Variants in AHCTF1 observed in about 807,000 individuals in gnomAD.
AHCTF1 encodes AT-hook containing transcription factor 1, also known as protein ELYS.
AHCTF1 carries 24 observed loss-of-function variants against 248.4 expected under a neutral mutation model. That is an observed-to-expected ratio of 0.10 (90% CI 0.07 to 0.14). AHCTF1 has a LOEUF of 0.14. Among genes scored for constraint, AHCTF1 ranks in the 10% least tolerant of loss-of-function variants. The pLI is 1.00. For synonymous variants in AHCTF1, 786 were observed against 929.8 expected, an observed-to-expected ratio of 0.85 and a Z score of 2.81; for missense variants, 2,206 against 2,636.2, an observed-to-expected ratio of 0.84 and a Z score of 3.57.
At chr1:246,868,610 G>GT (rs1447941597) in intron 24 of AHCTF1, among the ~76,000 whole-genome samples, 4 of 98,848 alleles carry the variant, frequency 4.0e-5, no homozygotes, top group East Asian at 4.4e-4. Flanking sequence ...TTGGTAAGTG[G>GT]TAAAAAAAAA....
intron 21 of AHCTF1, among the ~76,000 whole-genome samples, chr1:246,878,431 T>C (rs1265728372): frequency 1.9e-5 from 2 of 106,526 alleles, no homozygotes; most frequent in Non-Finnish European, 3.9e-5. Flanking sequence ...AAAAATACAG[T>C]GAAACAATGA....
Position 246,862,062 on chromosome 1 carries a change from G to C in AHCTF1, c.3632C>G (p.Pro1211Arg). Residue 1211 changes from proline to arginine, a missense_variant, in exon 28 of 36, where the codon CCT becomes CGT. This residue lies in a region of AHCTF1 where 955 missense variants were observed against 1,055.6 expected (regional missense o/e 0.90). Coordinates refer to ENST00000648844, the MANE Select transcript of AHCTF1 (RefSeq NM_001323342.2). ...SILRSTLRST[P>R]LASPSPSPGR... ...AGGTGATGGAGAGGGAGATGCTAAA[G>C]GTGTTGATCGAAGAGTAGACCTCAG... 1 of 1,611,898 alleles carries C rather than the reference G, an allele frequency of 6.2e-7. No individual in the cohort carries two copies. The highest frequency in any genetic ancestry group is 8.5e-7 in the Non-Finnish European group (1 of 1,178,010).
At chr1:246,844,805 C>CT (rs11370838) in intron 33 of AHCTF1, among the ~76,000 whole-genome samples, 40,325 of 141,882 alleles carry the variant, frequency 0.28, 5,514 homozygotes, top group East Asian at 0.41. Flanking sequence ...ACCACACAGA[C>CT]TTTTTTTTTT....
chr1:246,928,300 C>A (rs1205998648), intron 1 of AHCTF1, among the ~76,000 whole-genome samples: 33 of 94,936 alleles, frequency 3.5e-4, no homozygotes, highest in Non-Finnish European at 5.1e-4. Context: ...GAGACTCCGT[C>A]TCAAAAAAAA....
chr1:246,861,906 C>CTAAT (rs1212837721), intron 28 of AHCTF1, 53 bp downstream of exon 28: 7 of 1,453,398 alleles, frequency 4.8e-6, no homozygotes, highest in Non-Finnish European at 6.6e-6. Flanking sequence ...CTTGTCAGAG[C>CTAAT]TAATACATTC....
intron 1 of AHCTF1, chr1:246,931,284 C>T: frequency 6.5e-7 from 1 of 1,548,228 alleles, no homozygotes. Flanking sequence ...AGGGACCCGA[C>T]TGCCGGCGCA....
rs192556235 is a variant in AHCTF1 at position 246,868,875 on chromosome 1, C to T, written c.3089-1064G>A. Among the ~76,000 whole-genome samples the T allele has an allele frequency of 8.2e-3, 1,186 of 144,738 alleles. 7 individuals carry two copies. The highest frequency in any genetic ancestry group is 0.011 in the Non-Finnish European group (755 of 66,862). 95.0% of individuals were successfully genotyped at this position (144,738 alleles called of 152,430 possible). Reference sequence around the variant, plus strand: ...TTTTTTTTTTTTTGAGATGGAGTCTCGCTCTGTCACCCAGGTTGGAGTGCA... The same window carrying T: ...TTTTTTTTTTTTTGAGATGGAGTCTTGCTCTGTCACCCAGGTTGGAGTGCA... On this transcript the variant is annotated intron_variant, in intron 24 of 35. Coordinates refer to ENST00000648844, the MANE Select transcript of AHCTF1 (RefSeq NM_001323342.2).
At chr1:246,896,161 G>T (rs952507131) in intron 12 of AHCTF1, among the ~76,000 whole-genome samples, 5 of 152,150 alleles carry the variant, frequency 3.3e-5, no homozygotes, top group Admixed American at 2.6e-4. Flanking sequence ...CAGTTTGGCG[G>T]TTTCTCAGTA....
At chr1:246,864,346 G>A (rs1407464415) in intron 26 of AHCTF1, 4 of 429,930 alleles carry the variant, frequency 9.3e-6, no homozygotes, top group Non-Finnish European at 1.6e-5. Context: ...AAAAGAGTTT[G>A]CGTCGTCCTC....
chr1:246,910,172 T>A (rs1224454573), intron 4 of AHCTF1, among the ~76,000 whole-genome samples: 1 of 152,172 alleles, frequency 6.6e-6, no homozygotes, highest in Non-Finnish European at 1.5e-5. Flanking sequence ...TGATACCACA[T>A]GAAAGCACAG....
chr1:246,862,340 CG>C, intron 27 of AHCTF1, among the ~76,000 whole-genome samples, 187 bp from the exon 28 acceptor site: 1 of 152,086 alleles, frequency 6.6e-6, no homozygotes, highest in African/African-American at 2.4e-5. Context: ...ATTAGGCAGG[CG>C]GGGTGGCGGG....
chr1:246,885,457 C>A (rs376641485), intron 21 of AHCTF1, 36 bp downstream of exon 21: 4 of 1,516,902 alleles, frequency 2.6e-6, no homozygotes, highest in Non-Finnish European at 2.7e-6. Flanking sequence ...TTAACAGATA[C>A]GATAAAGACT....
At chr1:246,906,287 GACAA>G (rs2103189985) in intron 5 of AHCTF1, among the ~76,000 whole-genome samples, 1 of 152,170 alleles carries the variant, frequency 6.6e-6, no homozygotes, top group South Asian at 2.1e-4. Context: ...AAGACGAGCT[GACAA>G]ACTGGCAGCC....
chr1:246,870,723 C>CAA (rs11340560), intron 24 of AHCTF1, among the ~76,000 whole-genome samples: 7 of 110,156 alleles, frequency 6.4e-5, no homozygotes, highest in East Asian at 2.7e-4. Flanking sequence ...TATAAAACCT[C>CAA]AAAAAAAAAA....
intron 21 of AHCTF1, among the ~76,000 whole-genome samples, chr1:246,880,003 C>T (rs1013939168): frequency 2.6e-5 from 4 of 151,890 alleles, no homozygotes; most frequent in African/African-American, 9.7e-5. Flanking sequence ...GAAGGGTATA[C>T]GGTATGCTGT....
chr1:246,865,192 G>A (rs1348965438), intron 26 of AHCTF1: 1 of 152,150 alleles, frequency 6.6e-6, no homozygotes, highest in East Asian at 1.9e-4. Flanking sequence ...CTATCTTATG[G>A]TTGTATTTCC....
intron 24 of AHCTF1, among the ~76,000 whole-genome samples, chr1:246,873,941 C>T (rs969962349): frequency 1.3e-5 from 2 of 152,166 alleles, no homozygotes; most frequent in Non-Finnish European, 2.9e-5. Flanking sequence ...CTAGGATATT[C>T]GTCCAACACA....
intron 1 of AHCTF1, among the ~76,000 whole-genome samples, chr1:246,921,584 C>A (rs935697036): frequency 6.6e-6 from 1 of 152,056 alleles, no homozygotes; most frequent in African/African-American, 2.4e-5. Flanking sequence ...AAATATAGTA[C>A]TAATAGGAAG....
intron 13 of AHCTF1, among the ~76,000 whole-genome samples, chr1:246,895,410 GGTGT>G (rs372843367): frequency 7.2e-5 from 11 of 151,906 alleles, no homozygotes; most frequent in Non-Finnish European, 1.5e-4. Flanking sequence ...ATGCGTTTGG[GGTGT>G]GTGTGTGTAT....
Sources: gnomAD v4.1 joint callset for allele counts (sites outside exome capture counted in the v4.1 genomes callset) on GRCh38, gnomAD v4.1.1 for gene constraint, gnomAD v4.1.1 regional missense constraint, MANE v1.5 for transcripts, NCBI Gene and HGNC (gene_info 2026-07-23, HGNC 2026-07-21) for gene names.